The following LMO4 variants were observed in gnomAD, a reference collection of about 807,000 sequenced individuals.
LMO4 encodes LIM domain transcription factor LMO4.
LMO4 carries 3 observed loss-of-function variants against 18.5 expected under a neutral mutation model. That is an observed-to-expected ratio of 0.16 (90% CI 0.07 to 0.42). LMO4 has a LOEUF of 0.42. Among genes scored for constraint, LMO4 ranks in the 10% least tolerant of loss-of-function variants. The probability of loss-of-function intolerance (pLI) is 0.99; values close to 1 mark genes in which losing one functional copy is unlikely to be tolerated. For synonymous variants in LMO4, 100 were observed against 88.1 expected (o/e 1.14, Z -0.76); for missense variants, 121 against 219.9 (o/e 0.55, Z 2.84).
chr1:87,348,329 G>A lies in LMO4; in HGVS notation c.*3533G>A. 4.6e-6 allele frequency: 1 copy of A among 219,478 alleles called. No homozygotes were observed. Among genetic ancestry groups the A allele is most frequent in the Non-Finnish European group, 9.4e-6 (1 of 106,272 alleles). 13.6% of individuals were successfully genotyped at this position (219,478 alleles called of 1,614,324 possible). A position where few individuals can be genotyped will look rare whatever the true frequency, so the allele number is the denominator to read the frequency against. On this transcript the variant is annotated 3_prime_UTR_variant, in exon 5 of 5. Transcript: ENST00000370544. ...GTCCCACCTATGACCCCTTCAAGAG[G>A]CCATTGGAAAAAGGCCATTTACAAG... is the stretch of plus-strand genomic sequence containing the variant.
rs115271440 is a variant in LMO4, at chr1:87,348,428, C to T, written c.*3632C>T. On this transcript the variant is annotated 3_prime_UTR_variant, in exon 5 of 5. Coordinates refer to ENST00000370544, the MANE Select transcript of LMO4 (RefSeq NM_006769.4). ...AGCCAAGTCACAGAAGTGCTTATTGCAGTTAAATAGCAATTTGTTTCCATG... is the reference window on the plus strand; with the variant it reads ...AGCCAAGTCACAGAAGTGCTTATTGTAGTTAAATAGCAATTTGTTTCCATG... 897 of 299,208 alleles carry T rather than the reference C, an allele frequency of 3.0e-3. 8 individuals are homozygous for T. The highest frequency in any genetic ancestry group is 0.018 in the African/African-American group (846 of 46,236). 18.5% of individuals were successfully genotyped at this position (299,208 alleles called of 1,614,324 possible).
At chr1:87,343,480 T>C (rs762760907) in intron 4 of LMO4, among the ~76,000 whole-genome samples, 2 of 152,196 alleles carry the variant, frequency 1.3e-5, no homozygotes, top group Non-Finnish European at 2.9e-5. Flanking sequence ...CTGCCTGTTC[T>C]GGAATTTTTT....
Position 87,344,855 on chromosome 1 carries a change from T to A in LMO4, c.*59T>A, listed in dbSNP as rs1300861725. 6.4e-7 allele frequency: 1 copy of A among 1,562,052 alleles called. No individual in the cohort carries two copies. Among genetic ancestry groups the A allele is most frequent in the Non-Finnish European group, 8.8e-7 (1 of 1,132,932 alleles). ...CTCAGATTTGTTCATCACAGGTGGA[T>A]CCCATGTGTCTTCAGTAGACAAGTC... On this transcript the variant is annotated 3_prime_UTR_variant, in exon 5 of 5. Transcript: ENST00000370544.
At chr1:87,334,430 G>T (rs1650240624) in intron 2 of LMO4, among the ~76,000 whole-genome samples, 1 of 152,110 alleles carries the variant, frequency 6.6e-6, no homozygotes, top group South Asian at 2.1e-4. Context: ...CAAAGGGTGG[G>T]AAGGTGCAGA....
chr1:87,339,649 T>A lies in LMO4; in HGVS notation c.333+17T>A. The A allele has an allele frequency of 2.0e-6, 3 of 1,491,310 alleles. No homozygotes were observed. The highest frequency in any genetic ancestry group is 1.2e-5 in the South Asian group (1 of 84,734). 92.4% of individuals were successfully genotyped at this position (1,491,310 alleles called of 1,614,324 possible). Reference sequence around the variant, plus strand: ...CATCTTAAGGTAGTATTTGCATCTCTCTTTTTTTTTTAAAAAAAAAATCAT... The same window carrying A: ...CATCTTAAGGTAGTATTTGCATCTCACTTTTTTTTTTAAAAAAAAAATCAT... On this transcript the variant is annotated intron_variant, in intron 3 of 4. Coordinates refer to ENST00000370544, the MANE Select transcript of LMO4 (RefSeq NM_006769.4).
chr1:87,329,866 CA>C (rs1420359739), intron 1 of LMO4, among the ~76,000 whole-genome samples: 1 of 152,182 alleles, frequency 6.6e-6, no homozygotes, highest in Non-Finnish European at 1.5e-5. Context: ...CATTAAAAAA[CA>C]CCAGAGACGT....
chr1:87,339,734 C>T, intron 3 of LMO4, 102 bp downstream of exon 3: 1 of 764,162 alleles, frequency 1.3e-6, no homozygotes. Context: ...TTTTCTCAAG[C>T]TGCAGACACT....
chr1:87,333,947 A>G (rs1283171383), intron 2 of LMO4, among the ~76,000 whole-genome samples: 6 of 151,964 alleles, frequency 3.9e-5, no homozygotes, highest in Non-Finnish European at 7.4e-5. Context: ...GCCTTCAAAA[A>G]AAAAAAAACA....
At chr1:87,337,885 C>G (rs1412223719) in intron 2 of LMO4, among the ~76,000 whole-genome samples, 1 of 152,204 alleles carries the variant, frequency 6.6e-6, no homozygotes, top group Non-Finnish European at 1.5e-5. Context: ...TGGTGTGGTC[C>G]TGCAGCTAGA....
intron 2 of LMO4, among the ~76,000 whole-genome samples, chr1:87,339,230 T>C (rs1205131013): frequency 4.6e-5 from 7 of 151,676 alleles, no homozygotes; most frequent in Non-Finnish European, 7.4e-5. Context: ...ATTGTATCTT[T>C]TTTTTTTTTA....
At chr1:87,340,266 C>T in intron 4 of LMO4, 64 bp downstream of exon 4, 2 of 1,500,730 alleles carry the variant, frequency 1.3e-6, no homozygotes, top group Non-Finnish European at 1.8e-6. Flanking sequence ...ACCTCTTAAC[C>T]TAGCAAGAGA....
rs960817194 is a variant in LMO4 at position 87,333,232 on chromosome 1, T to G, written c.236+981T>G. On this transcript the variant is annotated intron_variant, in intron 2 of 4. Coordinates refer to ENST00000370544, the MANE Select transcript of LMO4 (RefSeq NM_006769.4). ...GCATTTGAAGGATTACACATTTAAT[T>G]TGAGTAAATGGTTTGATAGACTGAT... 7.9e-5 allele frequency among the ~76,000 whole-genome samples: 12 copies of G among 152,126 alleles called. No homozygotes were observed. The South Asian group carries it at 1.2e-3, about 16-fold the overall frequency.
chr1:87,331,661 G>A, intron 1 of LMO4: 1 of 288,466 alleles, frequency 3.5e-6, no homozygotes, highest in Non-Finnish European at 6.5e-6. Flanking sequence ...GGCAGTGGGC[G>A]GAGGCGGGGG....
At chr1:87,339,088 A>C (rs572413113) in intron 2 of LMO4, among the ~76,000 whole-genome samples, 1 of 152,236 alleles carries the variant, frequency 6.6e-6, no homozygotes, top group Non-Finnish European at 1.5e-5. Context: ...TACACTGAGC[A>C]TGATGTCTTC....
Position 87,335,186 on chromosome 1 carries a change from C to T in LMO4, c.236+2935C>T, listed in dbSNP as rs1308549582. ...GACCCCTCAGCTCCACCCAAGCGCC[C>T]CAAGTAGCTTCGGAAACTCCGTTTC... On this transcript the variant is annotated intron_variant, in intron 2 of 4. Transcript: ENST00000370544. Among the ~76,000 whole-genome samples the T allele has an allele frequency of 3.3e-5, 5 of 152,316 alleles. No homozygotes were observed. The East Asian group carries it at 9.7e-4, about 29-fold the overall frequency.
intron 4 of LMO4, among the ~76,000 whole-genome samples, chr1:87,343,806 A>AGTAG (rs1216708555): frequency 2.6e-5 from 4 of 152,192 alleles, no homozygotes; most frequent in African/African-American, 9.6e-5. Context: ...TTAGCTTGGA[A>AGTAG]GTAGGGGGTT....
intron 2 of LMO4, among the ~76,000 whole-genome samples, chr1:87,333,609 T>A (rs1431709221): frequency 6.6e-6 from 1 of 152,226 alleles, no homozygotes; most frequent in East Asian, 1.9e-4. Flanking sequence ...ATTTAGTTAT[T>A]TTGATAATGC....
chr1:87,348,662 G>C lies in LMO4; in HGVS notation c.*3866G>C, dbSNP rs1426237564. On this transcript the variant is annotated 3_prime_UTR_variant, in exon 5 of 5. Coordinates refer to ENST00000370544, the MANE Select transcript of LMO4 (RefSeq NM_006769.4). The stretch of plus-strand genomic sequence containing the variant: ...CATGCTGAGAGCAATGACAAGTCAG[G>C]GCTGATTTTTGGAAGGTGAACTTGC... 1 of 479,470 alleles carries C rather than the reference G, an allele frequency of 2.1e-6. No homozygotes were observed. Among genetic ancestry groups the C allele is most frequent in the Non-Finnish European group, 4.2e-6 (1 of 238,862 alleles). 29.7% of individuals were successfully genotyped at this position (479,470 alleles called of 1,614,324 possible).
At position 87,348,194 on chromosome 1, in the gene LMO4, T is replaced by A. The variant is rs1650688482; in HGVS notation, c.*3398T>A. On this transcript the variant is annotated 3_prime_UTR_variant, in exon 5 of 5. Coordinates refer to ENST00000370544, the MANE Select transcript of LMO4 (RefSeq NM_006769.4). The stretch of plus-strand genomic sequence containing the variant: ...CTACATATGGAGTCTAGTGAAGAGT[T>A]CCCATGTAGCCTAACTAATTGTATT... 1 of 154,486 alleles carries A rather than the reference T, an allele frequency of 6.5e-6. No individual in the cohort carries two copies. The highest frequency in any genetic ancestry group is 6.3e-5 in the Admixed American group (1 of 15,768). 9.6% of individuals were successfully genotyped at this position (154,486 alleles called of 1,614,324 possible). A position where few individuals can be genotyped will look rare whatever the true frequency, so the allele number is the denominator to read the frequency against.
Sources: allele counts gnomAD v4.1 joint callset (sites outside exome capture counted in the v4.1 genomes callset), GRCh38; gene constraint gnomAD v4.1.1; transcripts MANE v1.5; gene names NCBI Gene and HGNC (gene_info 2026-07-23, HGNC 2026-07-21).